The following CERS6 variants were observed in gnomAD, a reference collection of about 807,000 sequenced individuals.
CERS6 encodes LAG1 homolog, ceramide synthase 6.
In CERS6, 26 loss-of-function variants were observed where a neutral mutation model predicts 56.8. The ratio of observed to expected loss-of-function variants is 0.46; its 90% confidence interval spans 0.34 to 0.63. The LOEUF (loss-of-function observed/expected upper bound fraction) is 0.63. CERS6 is among the 30% of genes least tolerant of loss of function. The probability of loss-of-function intolerance (pLI) is 0.01; values close to 1 mark genes in which losing one functional copy is unlikely to be tolerated. For synonymous variants in CERS6, 164 were observed against 173.3 expected (o/e 0.95, Z 0.42); for missense variants, 415 against 467.5 (o/e 0.89, Z 1.04).
rs117821046 is a variant in CERS6 at position 168,646,906 on chromosome 2, C to T, written c.465+15864C>T. ...TTGGTCTATGTGCCTGTTTTTGTAC[C>T]AGTGCCAGGATATTTTGGTTACTGT... On this transcript the variant is annotated intron_variant, in intron 4 of 9. Coordinates refer to ENST00000305747, the MANE Select transcript of CERS6 (RefSeq NM_203463.3). 9.7e-4 allele frequency among the ~76,000 whole-genome samples: 148 copies of T among 152,252 alleles called. 3 individuals are homozygous for T. The East Asian group carries it at 0.026, about 27-fold the overall frequency.
At chr2:168,503,262 C>T (rs1363877492) in intron 1 of CERS6, among the ~76,000 whole-genome samples, 1 of 152,142 alleles carries the variant, frequency 6.6e-6, no homozygotes, top group African/African-American at 2.4e-5. Flanking sequence ...AAACCTCTTT[C>T]TTTATAAATT....
chr2:168,740,783 A>G (rs1223646525), intron 8 of CERS6, among the ~76,000 whole-genome samples: 1 of 152,232 alleles, frequency 6.6e-6, no homozygotes, highest in Admixed American at 6.5e-5. Context: ...ACATGATTTC[A>G]TTGCTCATGT....
At chr2:168,537,926 G>T (rs62175808) in intron 1 of CERS6, among the ~76,000 whole-genome samples, 3,947 of 152,164 alleles carry the variant, frequency 0.026, 71 homozygotes, top group Non-Finnish European at 0.04. Flanking sequence ...CCCATGCCAG[G>T]GCAAAACCTT....
chr2:168,618,372 C>T (rs2105281063), intron 3 of CERS6, among the ~76,000 whole-genome samples: 1 of 152,230 alleles, frequency 6.6e-6, no homozygotes, highest in East Asian at 1.9e-4. Context: ...GTACTGGAAT[C>T]CAAGCCAGAG....
rs189001544 is a variant in CERS6, at chr2:168,721,402, T to C, written c.845+3424T>C. On this transcript the variant is annotated intron_variant, in intron 8 of 9. Coordinates refer to ENST00000305747, the MANE Select transcript of CERS6 (RefSeq NM_203463.3). Reference sequence around the variant, plus strand: ...TCCATTGTTTGGCTATTATGAATAATGCTGCTATTAATGTTTGTATACAAG... The same window carrying C: ...TCCATTGTTTGGCTATTATGAATAACGCTGCTATTAATGTTTGTATACAAG... Among the ~76,000 whole-genome samples, 741 of 152,214 alleles carry C rather than the reference T, an allele frequency of 4.9e-3. 5 individuals carry two copies. The highest frequency in any genetic ancestry group is 0.031 in the Middle Eastern group (9 of 294).
intron 6 of CERS6, among the ~76,000 whole-genome samples, chr2:168,700,079 T>C (rs144299254): frequency 6.6e-6 from 1 of 152,324 alleles, no homozygotes; most frequent in African/African-American, 2.4e-5. Context: ...TGAAATCAAC[T>C]TGTTGCCCTT....
intron 1 of CERS6, among the ~76,000 whole-genome samples, chr2:168,469,132 A>G (rs569286265): frequency 2.8e-4 from 42 of 152,322 alleles, no homozygotes; most frequent in African/African-American, 9.9e-4. Flanking sequence ...TAATATATGT[A>G]TGTATTTTTT....
chr2:168,626,653 T>C (rs1220872367), intron 3 of CERS6, among the ~76,000 whole-genome samples: 2 of 152,236 alleles, frequency 1.3e-5, no homozygotes, highest in African/African-American at 4.8e-5. Context: ...CAGGGTGCTC[T>C]AATTCTGTAG....
At chr2:168,588,713 A>G (rs1419404730) in intron 3 of CERS6, among the ~76,000 whole-genome samples, 2 of 152,108 alleles carry the variant, frequency 1.3e-5, no homozygotes, top group South Asian at 4.2e-4. Flanking sequence ...ATGAACCTGG[A>G]TGTACAAATA....
rs1261403157 is a variant in CERS6, at chr2:168,555,722, C to CTCTGTGTGTGTG, written c.277-5469_277-5468insCTGTGTGTGTGT. Among the ~76,000 whole-genome samples the CTCTGTGTGTGTG allele has an allele frequency of 9.9e-5, 14 of 141,010 alleles. No individual in the cohort carries two copies. The East Asian group carries it at 1.4e-3, about 14-fold the overall frequency. The allele number at this position is 141,010 out of a possible 152,430, so 92.5% of individuals were successfully genotyped here. ...TTATTCTAGGAAAGTATAATTGACT[C>CTCTGTGTGTGTG]TGTGTGTGTGTGTGTGTGTGTGTGT... On this transcript the variant is annotated intron_variant, in intron 2 of 9. Transcript: ENST00000305747.
At chr2:168,681,998 A>G (rs1267960828) in intron 4 of CERS6, among the ~76,000 whole-genome samples, 1 of 152,210 alleles carries the variant, frequency 6.6e-6, no homozygotes, top group African/African-American at 2.4e-5. Context: ...ATAGTATTTC[A>G]TTGTGTATAC....
chr2:168,641,975 C>G (rs1685063429), intron 4 of CERS6, among the ~76,000 whole-genome samples: 1 of 151,814 alleles, frequency 6.6e-6, no homozygotes, highest in Non-Finnish European at 1.5e-5. Flanking sequence ...TGACTAAAAT[C>G]AAGTATGGTA....
At position 168,743,164 on chromosome 2, in the gene CERS6, G is replaced by A. The variant is rs867996012; in HGVS notation, c.846-22428G>A. 2.8e-3 allele frequency among the ~76,000 whole-genome samples: 411 copies of A among 146,748 alleles called. 1 individual carries two copies. Among genetic ancestry groups the A allele is most frequent in the African/African-American group, 9.7e-3 (383 of 39,396 alleles). On this transcript the variant is annotated intron_variant, in intron 8 of 9. Transcript: ENST00000305747. ...TCTATATTCATATATATATATATAT[G>A]TATGTATGTGTGTGTGTATGTGTGT... is the stretch of plus-strand genomic sequence containing the variant.
chr2:168,530,494 C>T (rs1049903813), intron 1 of CERS6, among the ~76,000 whole-genome samples: 2 of 152,168 alleles, frequency 1.3e-5, no homozygotes, highest in African/African-American at 4.8e-5. Flanking sequence ...ACATACCATG[C>T]AATTGTTCTT....
At chr2:168,559,386 C>T (rs1232497905) in intron 2 of CERS6, among the ~76,000 whole-genome samples, 1 of 152,110 alleles carries the variant, frequency 6.6e-6, no homozygotes, top group Non-Finnish European at 1.5e-5. Flanking sequence ...TTATTTCTCA[C>T]AGTTCTGGAT....
At chr2:168,694,804 C>G (rs1686600357) in intron 5 of CERS6, among the ~76,000 whole-genome samples, 155 bp from the exon 6 acceptor site, 1 of 152,176 alleles carries the variant, frequency 6.6e-6, no homozygotes, top group Non-Finnish European at 1.5e-5. Context: ...AAGTTATCCT[C>G]AAAGCCCCAT....
intron 6 of CERS6, among the ~76,000 whole-genome samples, chr2:168,696,131 A>G (rs1686641343): frequency 6.6e-6 from 1 of 152,200 alleles, no homozygotes; most frequent in African/African-American, 2.4e-5. Flanking sequence ...TGTACATTAT[A>G]TCATTTAGTC....
rs534129435 is a variant in CERS6 at position 168,664,912 on chromosome 2, C to G, written c.466-26122C>G. On this transcript the variant is annotated intron_variant, in intron 4 of 9. Transcript: ENST00000305747. ...AGCTCCTATTTAAGATGGAGTTACT[C>G]TGGTTCACACGCCTCTGACAGGAAG... is the stretch of plus-strand genomic sequence containing the variant. Among the ~76,000 whole-genome samples the G allele has an allele frequency of 2.0e-5, 3 of 152,292 alleles. No homozygotes were observed. The East Asian group carries it at 5.8e-4, about 29-fold the overall frequency.
chr2:168,591,769 G>C (rs188583170), intron 3 of CERS6, among the ~76,000 whole-genome samples: 3 of 152,298 alleles, frequency 2.0e-5, no homozygotes, highest in Non-Finnish European at 4.4e-5. Context: ...TTAAAGTACG[G>C]AATTCTTGAT....
Sources: allele counts gnomAD v4.1 joint callset (sites outside exome capture counted in the v4.1 genomes callset), GRCh38; gene constraint gnomAD v4.1.1; transcripts MANE v1.5; gene names NCBI Gene and HGNC (gene_info 2026-07-23, HGNC 2026-07-21).